The following AKR1E2 variants were observed in gnomAD, a reference collection of about 807,000 sequenced individuals.
AKR1E2 encodes aldo-keto reductase family 1 member E2, also known as 1,5-anhydro-D-fructose reductase.
A neutral mutation model predicts 41.9 loss-of-function variants in AKR1E2; 43 were observed. The ratio of observed to expected loss-of-function variants is 1.03; its 90% CI spans 0.80 to 1.32. The LOEUF is 1.32. AKR1E2 is among the 40% of genes most tolerant of loss of function. The pLI is 0.00. For missense variants in AKR1E2, 423 were observed against 396.5 expected (o/e 1.07, Z -0.57); for synonymous variants, 121 against 138.9 (o/e 0.87, Z 0.91).
the AKR1E2 span, among the ~76,000 whole-genome samples, chr10:4,855,172 G>A: frequency 8.5e-5 from 13 of 152,264 alleles, no homozygotes; most frequent in East Asian, 2.3e-3. Flanking sequence ...CCCTGCCTCA[G>A]GCAGTGCTTC....
At chr10:4,856,206 G>A in the AKR1E2 span, among the ~76,000 whole-genome samples, 2 of 152,186 alleles carry the variant, frequency 1.3e-5, no homozygotes, top group African/African-American at 4.8e-5. Context: ...TCTGCTAAAG[G>A]GTTAAATAAT....
the AKR1E2 span, among the ~76,000 whole-genome samples, chr10:4,864,616 A>G: frequency 5.9e-5 from 9 of 152,176 alleles, no homozygotes; most frequent in African/African-American, 2.2e-4. Context: ...CAGGGCAATC[A>G]GGCAGGAGAA....
the AKR1E2 span, among the ~76,000 whole-genome samples, chr10:4,873,033 G>T: frequency 1.3e-5 from 2 of 152,156 alleles, no homozygotes; most frequent in Non-Finnish European, 2.9e-5. Flanking sequence ...GATGTGGTTT[G>T]GCTGTGTCCC....
the AKR1E2 span, among the ~76,000 whole-genome samples, chr10:4,859,033 A>G: frequency 1.3e-5 from 2 of 152,044 alleles, no homozygotes; most frequent in African/African-American, 4.8e-5. Flanking sequence ...CATGTTGGCC[A>G]GGCTGGTCTC....
chr10:4,844,588 A>C (rs1834164319), intron 8 of AKR1E2, among the ~76,000 whole-genome samples: 1 of 152,130 alleles, frequency 6.6e-6, no homozygotes, highest in South Asian at 2.1e-4. Flanking sequence ...ACAATCCCTG[A>C]GCTAGACACA....
rs1186073286 is a variant in AKR1E2, at chr10:4,833,444, T to C, written c.302T>C (p.Ile101Thr). Residue 101 changes from isoleucine to threonine, a missense_variant, in exon 3 of 10, where the codon ATA becomes ACA. Transcript: ENST00000298375. Reference protein sequence around the residue: ...LKLNYLDLYLIHWPMGFKPPH... With the variant: ...LKLNYLDLYLTHWPMGFKPPH... ...CTGAACTATTTGGACCTCTACCTCA[T>C]ACACTGGCCCATGGGTTTCAAGGTA... 1 of 1,614,052 alleles carries C rather than the reference T, an allele frequency of 6.2e-7. No individual in the cohort carries two copies. The highest frequency in any genetic ancestry group is 1.1e-5 in the South Asian group (1 of 91,076).
chr10:4,866,974 T>C, the AKR1E2 span, among the ~76,000 whole-genome samples: 1 of 152,210 alleles, frequency 6.6e-6, no homozygotes, highest in African/African-American at 2.4e-5. Context: ...CAGAATCTTG[T>C]AGCCTCCAGC....
intron 1 of AKR1E2, among the ~76,000 whole-genome samples, chr10:4,827,865 C>T (rs1832668690): frequency 6.6e-6 from 1 of 152,100 alleles, no homozygotes; most frequent in Admixed American, 6.5e-5. Flanking sequence ...CTCTTGCTTC[C>T]CTTTATTTCT....
chr10:4,841,825 A>T lies in AKR1E2; in HGVS notation c.721A>T (p.Ile241Phe). 1 of 1,613,434 alleles carries T rather than the reference A, an allele frequency of 6.2e-7. No homozygotes were observed. Among genetic ancestry groups the T allele is most frequent in the South Asian group, 1.1e-5 (1 of 90,940 alleles). The change falls in exon 7 of 10, where the codon ATT becomes TTT. Residue 241 changes from isoleucine (I) to phenylalanine (F), a missense_variant. Coordinates refer to ENST00000298375, the MANE Select transcript of AKR1E2 (RefSeq NM_001040177.3). Reference protein sequence around the residue: ...DLIDNPVIKRIAKEHGKSPAQ... With the variant: ...DLIDNPVIKRFAKEHGKSPAQ... ...GATAGACAACCCTGTGATCAAGAGGATTGCAAAGGAGCACGGCAAGTCTCC... is the reference window on the plus strand; with the variant it reads ...GATAGACAACCCTGTGATCAAGAGGTTTGCAAAGGAGCACGGCAAGTCTCC...
At chr10:4,870,744 G>T in the AKR1E2 span, among the ~76,000 whole-genome samples, 1 of 151,442 alleles carries the variant, frequency 6.6e-6, no homozygotes, top group Admixed American at 6.6e-5. Flanking sequence ...ATTATGATGT[G>T]TCTTGGTGTG....
chr10:4,863,123 A>G, the AKR1E2 span, among the ~76,000 whole-genome samples: 1 of 152,216 alleles, frequency 6.6e-6, no homozygotes. Context: ...ATAGACATCT[A>G]CAGAACTCTC....
chr10:4,851,156 T>A (rs139341157), downstream of AKR1E2, among the ~76,000 whole-genome samples: 500 of 152,376 alleles, frequency 3.3e-3, 1 homozygote, highest in African/African-American at 0.011. Flanking sequence ...TGGGCACATT[T>A]TCATTTTATA....
In AKR1E2 at chr10:4,830,746, T is replaced by A. The variant is rs1832907486; in HGVS notation, c.111T>A (p.Ala37=). 1 of 1,614,092 alleles carries A rather than the reference T, an allele frequency of 6.2e-7. No individual in the cohort carries two copies. Residue 37 remains alanine (A), a synonymous_variant, in exon 2 of 10, where the codon GCT becomes GCA. Coordinates refer to ENST00000298375, the MANE Select transcript of AKR1E2 (RefSeq NM_001040177.3). ...IDAGYRHFDC[A]YFYHNEREVG... ...CAGGGTACCGGCACTTCGACTGTGC[T>A]TACTTTTACCACAATGAGAGGGAGG... is the stretch of plus-strand genomic sequence containing the variant.
chr10:4,839,528 C>T (rs1833703249), intron 5 of AKR1E2, among the ~76,000 whole-genome samples: 1 of 152,178 alleles, frequency 6.6e-6, no homozygotes, highest in South Asian at 2.1e-4. Context: ...GTCCCCAAGG[C>T]CGTGGACTCA....
chr10:4,832,651 C>T (rs12249753), intron 2 of AKR1E2, among the ~76,000 whole-genome samples: 2 of 152,240 alleles, frequency 1.3e-5, no homozygotes, highest in African/African-American at 4.8e-5. Context: ...AATACATTTA[C>T]TTCCAGCATT....
chr10:4,869,314 G>A, the AKR1E2 span, among the ~76,000 whole-genome samples: 4 of 152,074 alleles, frequency 2.6e-5, no homozygotes, highest in African/African-American at 9.7e-5. Context: ...TGTATGTGTG[G>A]AGTTGTTTGT....
At chr10:4,831,790 G>C (rs573827116) in intron 2 of AKR1E2, among the ~76,000 whole-genome samples, 1 of 152,238 alleles carries the variant, frequency 6.6e-6, no homozygotes, top group Non-Finnish European at 1.5e-5. Context: ...CCTGTCAGGA[G>C]CTGTGCTTTT....
downstream of AKR1E2, among the ~76,000 whole-genome samples, chr10:4,851,146 TG>T (rs534763182): frequency 9.3e-4 from 142 of 152,380 alleles, no homozygotes; most frequent in African/African-American, 3.2e-3. Flanking sequence ...TGGCTGGGTT[TG>T]GGCACATTTT....
chr10:4,860,846 G>T, the AKR1E2 span, among the ~76,000 whole-genome samples: 1 of 152,110 alleles, frequency 6.6e-6, no homozygotes, highest in Non-Finnish European at 1.5e-5. Flanking sequence ...TGAACCTTGG[G>T]ATTCTACATT....
Sources: allele counts gnomAD v4.1 joint callset (sites outside exome capture counted in the v4.1 genomes callset), GRCh38; gene constraint gnomAD v4.1.1; transcripts MANE v1.5; gene names NCBI Gene and HGNC (gene_info 2026-07-23, HGNC 2026-07-21).